Variants in PRDM5 observed in about 807,000 individuals in gnomAD.
The protein encoded by PRDM5 is PR domain zinc finger protein 5.
In PRDM5, 56 loss-of-function variants were observed where a neutral mutation model predicts 81.2. The observed-to-expected ratio is 0.69, with a 90% confidence interval of 0.56 to 0.86. PRDM5 has a LOEUF of 0.86. PRDM5 is among the 40% of genes least tolerant of loss of function. PRDM5 has a pLI of 0.00. For missense variants in PRDM5, 697 were observed against 770.1 expected (o/e 0.91, Z 1.12); for synonymous variants, 267 against 256.4 (o/e 1.04, Z -0.39).
At chr4:120,736,275 A>C (rs1052835689) in intron 14 of PRDM5, among the ~76,000 whole-genome samples, 1 of 151,538 alleles carries the variant, frequency 6.6e-6, no homozygotes, top group Non-Finnish European at 1.5e-5. Flanking sequence ...CTGTTGATGG[A>C]TACTCAGGTT....
chr4:120,749,109 C>T (rs1042198800), intron 14 of PRDM5, among the ~76,000 whole-genome samples: 4 of 151,616 alleles, frequency 2.6e-5, no homozygotes, highest in Non-Finnish European at 4.4e-5. Context: ...TTAATAATGA[C>T]AAAAAGCTGA....
Position 120,868,625 on chromosome 4 carries a change from G to T in PRDM5, c.178-15085C>A, listed in dbSNP as rs117938091. Among the ~76,000 whole-genome samples the T allele has an allele frequency of 2.9e-4, 44 of 152,264 alleles. No individual in the cohort carries two copies. The East Asian group carries it at 5.6e-3, about 19-fold the overall frequency. ...CCTCTTGCAATGGTAACAAGGAAAA[G>T]TGCAATGCCACAGAATTAAAGAAAA... On this transcript the variant is annotated intron_variant, in intron 2 of 15. Transcript: ENST00000264808.
intron 1 of PRDM5, among the ~76,000 whole-genome samples, chr4:120,921,050 A>G (rs995955244): frequency 2.0e-5 from 3 of 152,236 alleles, no homozygotes; most frequent in Admixed American, 2.0e-4. Flanking sequence ...TTATATAATA[A>G]TTCTAATCTT....
At chr4:120,735,833 A>G (rs1741025490) in intron 14 of PRDM5, among the ~76,000 whole-genome samples, 1 of 152,194 alleles carries the variant, frequency 6.6e-6, no homozygotes, top group Non-Finnish European at 1.5e-5. Flanking sequence ...CAGGCTCAAG[A>G]AAAGAGATGT....
chr4:120,740,632 C>T (rs1281408775), intron 14 of PRDM5, among the ~76,000 whole-genome samples: 1 of 152,118 alleles, frequency 6.6e-6, no homozygotes, highest in Non-Finnish European at 1.5e-5. Context: ...AAAGGTGTCC[C>T]TCATATATGT....
At chr4:120,773,253 T>C (rs979662062) in intron 13 of PRDM5, among the ~76,000 whole-genome samples, 39 of 151,910 alleles carry the variant, frequency 2.6e-4, no homozygotes, top group African/African-American at 8.5e-4. Context: ...GTTCTTTGCA[T>C]ATAAAAGAAG....
intron 1 of PRDM5, among the ~76,000 whole-genome samples, chr4:120,914,332 T>A (rs1231663265): frequency 2.0e-5 from 3 of 152,058 alleles, no homozygotes; most frequent in Non-Finnish European, 4.4e-5. Flanking sequence ...AAATATGATA[T>A]TTAGAATCAA....
At chr4:120,885,084 G>A (rs965433526) in intron 2 of PRDM5, among the ~76,000 whole-genome samples, 8 of 136,924 alleles carry the variant, frequency 5.8e-5, no homozygotes, top group East Asian at 4.3e-4. Context: ...GCAGTGAGCC[G>A]AGATCGCGCC....
intron 14 of PRDM5, among the ~76,000 whole-genome samples, chr4:120,712,304 AT>A (rs1220247075): frequency 6.6e-6 from 1 of 152,128 alleles, no homozygotes; most frequent in Non-Finnish European, 1.5e-5. Context: ...AAACAAAAAC[AT>A]TTTTGAATTG....
chr4:120,914,312 G>A (rs540823355), intron 1 of PRDM5, among the ~76,000 whole-genome samples: 11 of 151,700 alleles, frequency 7.3e-5, no homozygotes, highest in East Asian at 1.9e-4. Context: ...TGAAAACTAC[G>A]AACAGATAAA....
At chr4:120,825,275 C>A (rs1359160406) in intron 3 of PRDM5, among the ~76,000 whole-genome samples, 1 of 152,154 alleles carries the variant, frequency 6.6e-6, no homozygotes, top group Non-Finnish European at 1.5e-5. Context: ...GGAAAGCATT[C>A]ATGAGTGGTA....
chr4:120,696,311 C>T (rs1667624773), intron 15 of PRDM5, among the ~76,000 whole-genome samples: 1 of 152,086 alleles, frequency 6.6e-6, no homozygotes. Context: ...TCTGGATTCC[C>T]TTTACTCTGT....
intron 13 of PRDM5, among the ~76,000 whole-genome samples, chr4:120,759,051 G>A (rs371397971): frequency 7.2e-5 from 11 of 152,132 alleles, no homozygotes; most frequent in Admixed American, 5.2e-4. Flanking sequence ...CACCACGCCC[G>A]ACCCAGTCAT....
intron 14 of PRDM5, among the ~76,000 whole-genome samples, chr4:120,745,910 T>C (rs1046673380): frequency 1.3e-5 from 2 of 149,320 alleles, no homozygotes; most frequent in Non-Finnish European, 3.0e-5. Context: ...AATGCCTTTC[T>C]TCACAGAATT....
At position 120,692,611 on chromosome 4, in the gene PRDM5, G is replaced by C. The variant is rs1178870883; in HGVS notation, c.*2500C>G. On this transcript the variant is annotated 3_prime_UTR_variant, in exon 16 of 16. Coordinates refer to ENST00000264808, the MANE Select transcript of PRDM5 (RefSeq NM_018699.4). ...TACTAAGAAGACAGTTATTATAAAA[G>C]GGTATCTGAACCCACCTACATTATT... 4.6e-5 allele frequency: 7 copies of C among 151,982 alleles called. No individual in the cohort carries two copies. Among genetic ancestry groups the C allele is most frequent in the Non-Finnish European group, 1.0e-4 (7 of 67,976 alleles). 9.4% of individuals were successfully genotyped at this position (151,982 alleles called of 1,614,324 possible).
intron 15 of PRDM5, among the ~76,000 whole-genome samples, chr4:120,704,497 ATT>A (rs922908455): frequency 2.0e-5 from 3 of 152,204 alleles, no homozygotes; most frequent in African/African-American, 7.2e-5. Context: ...AGGTAAACTG[ATT>A]TTGTTTTAAA....
chr4:120,907,441 T>C (rs373213460), intron 2 of PRDM5, 33 bp downstream of exon 2: 176 of 1,494,822 alleles, frequency 1.2e-4, no homozygotes, highest in Non-Finnish European at 1.6e-4. Flanking sequence ...AATACAAATA[T>C]ATTTTTAACA....
At chr4:120,781,117 CA>C (rs1296096343) in intron 12 of PRDM5, 25 bp downstream of exon 12, 2 of 1,599,156 alleles carry the variant, frequency 1.3e-6, no homozygotes, top group Admixed American at 3.3e-5. Flanking sequence ...GTAATCTGTT[CA>C]AACTAACAGA....
chr4:120,719,234 C>A (rs528833478), intron 14 of PRDM5, among the ~76,000 whole-genome samples: 1 of 152,238 alleles, frequency 6.6e-6, no homozygotes, highest in Non-Finnish European at 1.5e-5. Flanking sequence ...CATTGCCAAA[C>A]GTCCCCTGGG....
Sources: gnomAD v4.1 joint callset for allele counts (sites outside exome capture counted in the v4.1 genomes callset) on GRCh38, gnomAD v4.1.1 for gene constraint, MANE v1.5 for transcripts, NCBI Gene and HGNC (gene_info 2026-07-23, HGNC 2026-07-21) for gene names.